The following SLMAP variants were observed in gnomAD, a reference collection of about 807,000 sequenced individuals.
SLMAP encodes the protein sarcolemma associated protein.
A neutral mutation model predicts 128.8 loss-of-function variants in SLMAP; 44 were observed. That is an observed-to-expected ratio of 0.34 (90% CI 0.27 to 0.44). SLMAP has a LOEUF of 0.44. Ranked by LOEUF, SLMAP falls within the 20% of genes least tolerant of loss-of-function variation. The pLI is 1.00. For synonymous variants in SLMAP, 327 were observed against 348.8 expected, an observed-to-expected ratio of 0.94 and a Z score of 0.70; for missense variants, 787 against 985.3, an observed-to-expected ratio of 0.80 and a Z score of 2.69.
At chr3:57,889,517 A>G (rs143372573) in intron 14 of SLMAP, among the ~76,000 whole-genome samples, 1 of 152,222 alleles carries the variant, frequency 6.6e-6, no homozygotes, top group African/African-American at 2.4e-5. Flanking sequence ...AAAAAGTAGC[A>G]TTATACATTT....
At chr3:57,892,179 TTAAATCGAGCTA>T (rs2096092724) in intron 15 of SLMAP, among the ~76,000 whole-genome samples, 1 of 152,190 alleles carries the variant, frequency 6.6e-6, no homozygotes, top group South Asian at 2.1e-4. Context: ...AAGTTACATT[TTAAATCGAGCTA>T]TAAAGTGTTT....
At chr3:57,823,833 G>C (rs899382476) in intron 2 of SLMAP, among the ~76,000 whole-genome samples, 19 of 151,984 alleles carry the variant, frequency 1.3e-4, no homozygotes, top group South Asian at 4.2e-4. Context: ...TACAGTCCCA[G>C]CAACAGTGTA....
chr3:57,912,203 GT>G (rs577157453), intron 19 of SLMAP, 177 bp from the exon 20 acceptor site: 95 of 522,110 alleles, frequency 1.8e-4, no homozygotes, highest in Non-Finnish European at 9.5e-5. Context: ...GATCACTTTG[GT>G]TTTTTTTTCC....
chr3:57,819,828 C>G (rs72876709), intron 2 of SLMAP, among the ~76,000 whole-genome samples: 2 of 152,272 alleles, frequency 1.3e-5, no homozygotes, highest in African/African-American at 4.8e-5. Flanking sequence ...TCATAGCTCA[C>G]TGCAGCCTCA....
chr3:57,892,783 AACACACAC>A (rs141561615), intron 15 of SLMAP, among the ~76,000 whole-genome samples: 12 of 143,852 alleles, frequency 8.3e-5, no homozygotes, highest in Admixed American at 1.4e-4. Context: ...TGTCTCTTAA[AACACACAC>A]ACACACACAC....
At chr3:57,854,150 C>G (rs1047172783) in intron 6 of SLMAP, among the ~76,000 whole-genome samples, 1 of 148,610 alleles carries the variant, frequency 6.7e-6, no homozygotes, top group Non-Finnish European at 1.5e-5. Context: ...ATTTAATTCT[C>G]CCATTATAAG....
At chr3:57,919,871 G>T (rs2096884609) in intron 22 of SLMAP, among the ~76,000 whole-genome samples, 1 of 151,988 alleles carries the variant, frequency 6.6e-6, no homozygotes, top group African/African-American at 2.4e-5. Context: ...AAGTTACTTG[G>T]CTTTACCTTC....
chr3:57,765,205 G>C (rs1166556160), intron 2 of SLMAP, among the ~76,000 whole-genome samples: 1 of 152,114 alleles, frequency 6.6e-6, no homozygotes, highest in Admixed American at 6.5e-5. Flanking sequence ...TGCAGCCTTT[G>C]CATCATAGCA....
chr3:57,832,123 C>A (rs1052797094), intron 3 of SLMAP, among the ~76,000 whole-genome samples: 6 of 152,182 alleles, frequency 3.9e-5, no homozygotes, highest in African/African-American at 1.4e-4. Context: ...CAGATTTCTC[C>A]TTAGGTCTCA....
chr3:57,834,401 T>A (rs570163540), intron 3 of SLMAP, among the ~76,000 whole-genome samples: 1 of 151,320 alleles, frequency 6.6e-6, no homozygotes, highest in Non-Finnish European at 1.5e-5. Context: ...AGATGAGAAA[T>A]GAGAAAGGAG....
intron 2 of SLMAP, among the ~76,000 whole-genome samples, chr3:57,776,380 T>C (rs2081933927): frequency 6.6e-6 from 1 of 152,192 alleles, no homozygotes; most frequent in African/African-American, 2.4e-5. Flanking sequence ...TGGATATGTT[T>C]TGGGCAAATT....
intron 21 of SLMAP, among the ~76,000 whole-genome samples, 165 bp downstream of exon 21, chr3:57,913,440 C>CT (rs951962730): frequency 9.4e-5 from 14 of 149,300 alleles, no homozygotes; most frequent in Admixed American, 2.7e-4. Flanking sequence ...AATACTTCAG[C>CT]TTTTTTTTTT....
At chr3:57,765,370 G>C (rs1295197872) in intron 2 of SLMAP, among the ~76,000 whole-genome samples, 1 of 152,066 alleles carries the variant, frequency 6.6e-6, no homozygotes, top group Non-Finnish European at 1.5e-5. Flanking sequence ...TAGCCTGGGT[G>C]ACATAGTGAG....
chr3:57,761,095 A>T (rs1179711097), intron 2 of SLMAP, among the ~76,000 whole-genome samples: 1 of 151,424 alleles, frequency 6.6e-6, no homozygotes, highest in Non-Finnish European at 1.5e-5. Flanking sequence ...GAATTGAGGT[A>T]ATTATATAAA....
At chr3:57,856,648 G>T (rs371949309) in intron 6 of SLMAP, among the ~76,000 whole-genome samples, 72 of 151,706 alleles carry the variant, frequency 4.7e-4, no homozygotes, top group African/African-American at 1.5e-3. Flanking sequence ...CCTCTCTGAA[G>T]GTATTTTACA....
Position 57,831,432 on chromosome 3 carries a change from A to G in SLMAP, c.248A>G (p.Gln83Arg). Reference protein sequence around the residue: ...KSSNGTFINSQRLSRGSEESP... With the variant: ...KSSNGTFINSRRLSRGSEESP... ...AGTAATGGTACTTTTATAAATAGCC[A>G]GAGATTGAGTCGAGGCTCTGAAGAA... Residue 83 changes from glutamine to arginine, a missense_variant, in exon 3 of 25, where the codon CAG (glutamine) becomes CGG (arginine). Transcript: ENST00000671191. The G allele has an allele frequency of 1.3e-6, 2 of 1,590,346 alleles. No homozygotes were observed. Among genetic ancestry groups the G allele is most frequent in the Non-Finnish European group, 1.7e-6 (2 of 1,167,512 alleles).
chr3:57,773,158 A>G (rs2081213981), intron 2 of SLMAP, among the ~76,000 whole-genome samples: 1 of 152,206 alleles, frequency 6.6e-6, no homozygotes, highest in Admixed American at 6.5e-5. Flanking sequence ...CATCCAAGAA[A>G]ATGACCAGTG....
At chr3:57,847,176 C>T in intron 4 of SLMAP, 21 bp from the exon 5 acceptor site, 1 of 1,561,914 alleles carries the variant, frequency 6.4e-7, no homozygotes, top group Non-Finnish European at 8.8e-7. Context: ...TTAGATAAAA[C>T]TTCTAAATTT....
At chr3:57,772,659 A>C (rs2081110740) in intron 2 of SLMAP, among the ~76,000 whole-genome samples, 1 of 148,712 alleles carries the variant, frequency 6.7e-6, no homozygotes, top group African/African-American at 2.5e-5. Context: ...TTTTTTTTTG[A>C]GATGGAGTTT....
Sources: gnomAD v4.1 joint callset for allele counts (sites outside exome capture counted in the v4.1 genomes callset) on GRCh38, gnomAD v4.1.1 for gene constraint, MANE v1.5 for transcripts, NCBI Gene and HGNC (gene_info 2026-07-23, HGNC 2026-07-21) for gene names.